The following AAGAB variants were observed in gnomAD, a reference collection of about 807,000 sequenced individuals.
AAGAB encodes alpha and gamma adaptin binding protein, also known as alpha- and gamma-adaptin-binding protein p34.
AAGAB carries 38 observed loss-of-function variants against 44.1 expected under a neutral mutation model. The ratio of observed to expected loss-of-function variants is 0.86; its 90% CI spans 0.67 to 1.13. The LOEUF is 1.13. Among genes scored for constraint, AAGAB ranks in the 50% most tolerant of loss-of-function variants. AAGAB has a pLI of 0.00. For synonymous variants in AAGAB, 131 were observed against 131.8 expected (o/e 0.99, Z 0.04); for missense variants, 450 against 373.8 (o/e 1.20, Z -1.68).
At chr15:67,210,931 G>C (rs554072810) in intron 5 of AAGAB, among the ~76,000 whole-genome samples, 2 of 152,234 alleles carry the variant, frequency 1.3e-5, no homozygotes, top group South Asian at 4.1e-4. Flanking sequence ...CTCCCACCTT[G>C]CCTTTCCTCT....
chr15:67,249,696 C>CCACCTTAAAT (rs1339623419), intron 1 of AAGAB, among the ~76,000 whole-genome samples: 1 of 152,176 alleles, frequency 6.6e-6, no homozygotes, highest in Admixed American at 6.5e-5. Flanking sequence ...ACCAGTGCCA[C>CCACCTTAAAT]CACCTTAAAT....
chr15:67,255,032 A>G (rs1182827591), upstream of AAGAB: 1 of 1,356,524 alleles, frequency 7.4e-7, no homozygotes, highest in Non-Finnish European at 1.0e-6. Context: ...ACCGACGCTC[A>G]CCCATTTGGT....
intron 1 of AAGAB, among the ~76,000 whole-genome samples, chr15:67,243,093 A>G (rs17295739): frequency 0.3 from 45,518 of 151,510 alleles, 7,015 homozygotes; most frequent in South Asian, 0.37. Context: ...CTTTCTCCCA[A>G]TAGTCATCTG....
intron 1 of AAGAB, among the ~76,000 whole-genome samples, chr15:67,238,699 T>A (rs1964526321): frequency 1.2e-5 from 1 of 83,552 alleles, no homozygotes. Context: ...TCAGTCTTAA[T>A]TTTTTTTTTT....
rs941510457 is a variant in AAGAB, at chr15:67,202,192, T to C, written c.*629A>G. On this transcript the variant is annotated 3_prime_UTR_variant, in exon 10 of 10. Transcript: ENST00000261880. Reference sequence around the variant, plus strand: ...GAATAGAAATCCTTTGCCTCATTTATTACAGTCTAAAAATCCACACTGGCT... The same window carrying C: ...GAATAGAAATCCTTTGCCTCATTTACTACAGTCTAAAAATCCACACTGGCT... 1.3e-5 allele frequency: 2 copies of C among 152,616 alleles called. No homozygotes were observed. Among genetic ancestry groups the C allele is most frequent in the African/African-American group, 4.8e-5 (2 of 41,460 alleles). The allele number at this position is 152,616 out of a possible 1,614,324, so 9.5% of individuals were successfully genotyped here.
intron 5 of AAGAB, among the ~76,000 whole-genome samples, chr15:67,222,234 G>GCACACA (rs779911873): frequency 2.3e-5 from 1 of 43,142 alleles, no homozygotes; most frequent in African/African-American, 1.0e-4. Flanking sequence ...ACGCGCACGC[G>GCACACA]CGCGCGCGCA....
chr15:67,207,191 A>C (rs955113447), intron 7 of AAGAB, among the ~76,000 whole-genome samples: 1 of 152,154 alleles, frequency 6.6e-6, no homozygotes, highest in South Asian at 2.1e-4. Flanking sequence ...CTCCATCTCA[A>C]ACAAAAACAA....
intron 1 of AAGAB, among the ~76,000 whole-genome samples, chr15:67,253,933 T>A (rs1181090372): frequency 1.3e-5 from 2 of 152,174 alleles, no homozygotes; most frequent in African/African-American, 2.4e-5. Context: ...TCCAGTCCCA[T>A]GTTCTCTCTT....
intron 5 of AAGAB, among the ~76,000 whole-genome samples, chr15:67,211,176 G>A (rs1357320933): frequency 6.6e-6 from 1 of 152,176 alleles, no homozygotes; most frequent in African/African-American, 2.4e-5. Flanking sequence ...CTCTCGCCAC[G>A]GAGGCAGTCA....
chr15:67,211,643 T>C (rs1963823299), intron 5 of AAGAB, among the ~76,000 whole-genome samples: 1 of 152,244 alleles, frequency 6.6e-6, no homozygotes, highest in African/African-American at 2.4e-5. Context: ...AGGCAATATC[T>C]GAGTAATAAA....
At chr15:67,254,185 GC>G (rs1239630808) in intron 1 of AAGAB, 7 of 210,600 alleles carry the variant, frequency 3.3e-5, no homozygotes, top group Non-Finnish European at 9.5e-6. Flanking sequence ...TCCCGGAGCA[GC>G]AAGGATAACA....
intron 1 of AAGAB, among the ~76,000 whole-genome samples, chr15:67,249,041 A>T (rs557866068): frequency 2.5e-4 from 38 of 149,194 alleles, no homozygotes; most frequent in Middle Eastern, 3.5e-3. Flanking sequence ...TAACCCAGAA[A>T]TTTTTTTTTT....
chr15:67,211,783 C>T (rs1279376876), intron 5 of AAGAB, among the ~76,000 whole-genome samples: 4 of 152,128 alleles, frequency 2.6e-5, no homozygotes, highest in Non-Finnish European at 4.4e-5. Context: ...GTTAGGCGTC[C>T]CCTAAACTTG....
Position 67,236,780 on chromosome 15 carries a change from G to A in AAGAB, c.114C>T (p.Ser38=), listed in dbSNP as rs191264015. ...AGGGATAAAATCTCACAGCATCATT[G>A]GAAGTCACTTCCACAATAAGATCTT... ...GTEDLIVEVT[S]NDAVRFYPWT... Residue 38 remains serine (S), a synonymous_variant, in exon 2 of 10, where the codon TCC becomes TCT. Transcript: ENST00000261880. The A allele has an allele frequency of 2.7e-3, 4,337 of 1,611,578 alleles. 12 individuals carry two copies. The highest frequency in any genetic ancestry group is 3.1e-3 in the Non-Finnish European group (3,688 of 1,179,082).
rs149133087 is a variant in AAGAB, at chr15:67,229,265, T to G, written c.535+2549A>C. On this transcript the variant is annotated intron_variant, in intron 5 of 9. Transcript: ENST00000261880. ...TGGCCAACATGGTGAAACCCCCGTC[T>G]CTACTAAAAATACAAAAATTAGCTG... Among the ~76,000 whole-genome samples the G allele has an allele frequency of 3.2e-3, 486 of 152,052 alleles. 5 individuals carry two copies. The highest frequency in any genetic ancestry group is 0.011 in the African/African-American group (474 of 41,492).
chr15:67,213,523 A>C (rs1324831685), intron 5 of AAGAB, among the ~76,000 whole-genome samples: 3 of 152,210 alleles, frequency 2.0e-5, no homozygotes, highest in Non-Finnish European at 4.4e-5. Context: ...GGGAAATTTC[A>C]GTATGGGGGA....
In AAGAB at chr15:67,202,612, C is replaced by T; in HGVS notation, c.*209G>A. On this transcript the variant is annotated 3_prime_UTR_variant, in exon 10 of 10. Coordinates refer to ENST00000261880, the MANE Select transcript of AAGAB (RefSeq NM_024666.5). ...TTAAGAAATCCTCACTCATTACTAT[C>T]ACTGTATTCCTCACTCTCTTACAAT... 2 of 533,344 alleles carry T rather than the reference C, an allele frequency of 3.7e-6. No individual in the cohort carries two copies. The highest frequency in any genetic ancestry group is 6.7e-6 in the Non-Finnish European group (2 of 299,368). The allele number at this position is 533,344 out of a possible 1,614,324, so 33.0% of individuals were successfully genotyped here. A position where few individuals can be genotyped will look rare whatever the true frequency, so the allele number is the denominator to read the frequency against.
chr15:67,226,701 T>G (rs1567022698), intron 5 of AAGAB: 1 of 152,360 alleles, frequency 6.6e-6, no homozygotes, highest in Non-Finnish European at 1.5e-5. Context: ...TCTATTTTTT[T>G]CCTTTGGTTG....
At chr15:67,255,089 GCC>G, upstream of AAGAB, 4 of 799,986 alleles carry the variant, frequency 5.0e-6, no homozygotes, top group Non-Finnish European at 8.5e-6. Flanking sequence ...TCCCAAAAAT[GCC>G]CACCCAGACC....
Sources: allele counts gnomAD v4.1 joint callset (sites outside exome capture counted in the v4.1 genomes callset), GRCh38; gene constraint gnomAD v4.1.1; transcripts MANE v1.5; gene names NCBI Gene and HGNC (gene_info 2026-07-23, HGNC 2026-07-21).